The following DLGAP1 variants were observed in gnomAD, a reference collection of about 807,000 sequenced individuals.
The protein encoded by DLGAP1 is DLG associated protein 1, also known as disks large-associated protein 1.
Under a neutral mutation model 90.8 loss-of-function variants are expected in DLGAP1, and 11 were observed. That is an observed-to-expected ratio of 0.12 (90% CI 0.08 to 0.20). DLGAP1 has a LOEUF of 0.20. Ranked by LOEUF, DLGAP1 falls within the 10% of genes least tolerant of loss-of-function variation. The pLI, the probability that DLGAP1 is intolerant of heterozygous loss-of-function variation, is 1.00. For synonymous variants in DLGAP1, 558 were observed against 540.7 expected (o/e 1.03, Z -0.44); for missense variants, 1,050 against 1,333.8 (o/e 0.79, Z 3.31).
intron 4 of DLGAP1, among the ~76,000 whole-genome samples, chr18:3,869,784 T>C (rs548804337): frequency 8.5e-5 from 13 of 152,350 alleles, no homozygotes; most frequent in African/African-American, 3.1e-4. Flanking sequence ...GAAAAAGTGG[T>C]ATGGTACATG....
chr18:3,591,944 C>T (rs960474518), intron 7 of DLGAP1, among the ~76,000 whole-genome samples: 1 of 152,006 alleles, frequency 6.6e-6, no homozygotes, highest in Admixed American at 6.6e-5. Flanking sequence ...AGCCCCTGGA[C>T]CTGTTCAAGC....
rs184691100 is a variant in DLGAP1 at position 4,124,086 on chromosome 18, C to A, written c.-159+27094G>T. Among the ~76,000 whole-genome samples, 305 of 152,306 alleles carry A rather than the reference C, an allele frequency of 2.0e-3. 2 individuals are homozygous for A. Among genetic ancestry groups the A allele is most frequent in the Admixed American group, 0.015 (227 of 15,294 alleles). ...AACTCCTGTCCACTAAGGCTCCCCA[C>A]ATAATTTGGTTGTTTTCTTCACAAC... On this transcript the variant is annotated intron_variant, in intron 2 of 12. Transcript: ENST00000315677.
intron 2 of DLGAP1, among the ~76,000 whole-genome samples, chr18:4,028,247 C>A (rs2074735018): frequency 6.6e-6 from 1 of 152,192 alleles, no homozygotes; most frequent in African/African-American, 2.4e-5. Context: ...TCTGTATTTA[C>A]ATAGCTATTC....
chr18:4,441,718 C>T (rs1053142666), intron 1 of DLGAP1, among the ~76,000 whole-genome samples: 2 of 152,212 alleles, frequency 1.3e-5, no homozygotes, highest in African/African-American at 2.4e-5. Context: ...CCTTCTGGGA[C>T]AGCTAGGCTG....
chr18:3,703,901 A>G (rs567354876), intron 7 of DLGAP1, among the ~76,000 whole-genome samples: 34 of 152,230 alleles, frequency 2.2e-4, no homozygotes, highest in Middle Eastern at 3.4e-3. Context: ...TACATGATAC[A>G]AATTCCTCCC....
At chr18:3,789,884 T>C (rs575069656) in intron 5 of DLGAP1, among the ~76,000 whole-genome samples, 41 of 152,318 alleles carry the variant, frequency 2.7e-4, no homozygotes, top group African/African-American at 8.9e-4. Context: ...CTAAGATAAC[T>C]AGCAATGATA....
At chr18:3,705,783 C>T (rs777052654) in intron 7 of DLGAP1, among the ~76,000 whole-genome samples, 21 of 151,706 alleles carry the variant, frequency 1.4e-4, no homozygotes, top group South Asian at 6.3e-4. Flanking sequence ...CTTAGCCTCC[C>T]TAGTAGCTGG....
At chr18:3,829,942 ACAGG>A (rs1362696827) in intron 4 of DLGAP1, among the ~76,000 whole-genome samples, 2 of 152,156 alleles carry the variant, frequency 1.3e-5, no homozygotes, top group East Asian at 3.9e-4. Flanking sequence ...TGATGGGCAG[ACAGG>A]GCCGCTGCAG....
intron 1 of DLGAP1, among the ~76,000 whole-genome samples, chr18:4,263,184 G>A (rs1411215265): frequency 1.3e-5 from 2 of 152,018 alleles, no homozygotes; most frequent in African/African-American, 4.8e-5. Flanking sequence ...TGCCCATCTC[G>A]GCCTCTCAAA....
intron 1 of DLGAP1, among the ~76,000 whole-genome samples, chr18:4,437,629 C>T (rs2083433752): frequency 1.3e-5 from 2 of 152,298 alleles, no homozygotes; most frequent in East Asian, 1.9e-4. Flanking sequence ...TTGTGGATGG[C>T]TGAATCTATG....
chr18:3,580,397 G>A (rs1201748163), intron 8 of DLGAP1: 72 of 1,613,716 alleles, frequency 4.5e-5, no homozygotes, highest in Non-Finnish European at 5.5e-5. Flanking sequence ...TAAGCACCAG[G>A]TGGACAGCTC....
chr18:4,331,071 T>A (rs1414874757), intron 1 of DLGAP1, among the ~76,000 whole-genome samples: 3 of 151,852 alleles, frequency 2.0e-5, no homozygotes, highest in African/African-American at 4.9e-5. Context: ...TAAAGTGATA[T>A]CTTTATTATT....
intron 1 of DLGAP1, among the ~76,000 whole-genome samples, chr18:4,205,893 G>GTT (rs1398420574): frequency 6.6e-6 from 1 of 152,206 alleles, no homozygotes; most frequent in Non-Finnish European, 1.5e-5. Flanking sequence ...GATGAAAGAA[G>GTT]TAACTCATGT....
intron 1 of DLGAP1, among the ~76,000 whole-genome samples, chr18:4,207,709 G>A (rs1181674134): frequency 6.6e-6 from 1 of 152,130 alleles, no homozygotes; most frequent in Non-Finnish European, 1.5e-5. Flanking sequence ...TTCTCCACAT[G>A]AGCTGCTTTT....
At chr18:4,047,325 C>G (rs1711524555) in intron 2 of DLGAP1, among the ~76,000 whole-genome samples, 1 of 152,100 alleles carries the variant, frequency 6.6e-6, no homozygotes, top group Non-Finnish European at 1.5e-5. Flanking sequence ...GCTTATTATG[C>G]AAAACATATT....
At chr18:3,504,736 C>CTTT in intron 11 of DLGAP1, among the ~76,000 whole-genome samples, 1 of 152,302 alleles carries the variant, frequency 6.6e-6, no homozygotes, top group East Asian at 1.9e-4. Flanking sequence ...GTTCCCTTCT[C>CTTT]ATAAAGAATC....
intron 1 of DLGAP1, among the ~76,000 whole-genome samples, chr18:4,344,709 G>C (rs79356751): frequency 6.6e-6 from 1 of 152,230 alleles, no homozygotes; most frequent in Middle Eastern, 3.4e-3. Flanking sequence ...ACTACCCCAA[G>C]AGTCATGGCC....
intron 1 of DLGAP1, among the ~76,000 whole-genome samples, chr18:4,436,586 A>G (rs748680199): frequency 1.7e-4 from 26 of 151,838 alleles, no homozygotes; most frequent in Non-Finnish European, 2.8e-4. Context: ...CCCACTCTAG[A>G]GATGGATACT....
chr18:3,895,005 T>A (rs1360816753), intron 3 of DLGAP1, among the ~76,000 whole-genome samples: 1 of 152,216 alleles, frequency 6.6e-6, no homozygotes, highest in Non-Finnish European at 1.5e-5. Flanking sequence ...TGGTTTTTAC[T>A]GTCGAGATGT....
Sources: allele counts gnomAD v4.1 joint callset (sites outside exome capture counted in the v4.1 genomes callset), GRCh38; gene constraint gnomAD v4.1.1; transcripts MANE v1.5; gene names NCBI Gene and HGNC (gene_info 2026-07-23, HGNC 2026-07-21).